Variants in ERICH3 observed in about 807,000 individuals in gnomAD.
The protein encoded by ERICH3 is glutamate-rich protein 3.
In ERICH3, 126 loss-of-function variants were observed where a neutral mutation model predicts 131.1. The ratio of observed to expected loss-of-function variants is 0.96; its 90% CI spans 0.83 to 1.11. The LOEUF (loss-of-function observed/expected upper bound fraction) is 1.11. Ranked by LOEUF, ERICH3 falls within the 50% of genes most tolerant of loss-of-function variation. The pLI is 0.00. For missense variants in ERICH3, 2,050 were observed against 1,810.7 expected, an observed-to-expected ratio of 1.13 and a Z score of -2.40; for synonymous variants, 695 against 644.6, an observed-to-expected ratio of 1.08 and a Z score of -1.18.
chr1:74,637,723 C>T (rs530982081), intron 5 of ERICH3, among the ~76,000 whole-genome samples: 69 of 152,118 alleles, frequency 4.5e-4, no homozygotes, highest in Non-Finnish European at 8.1e-4. Flanking sequence ...AGTTGGAGAT[C>T]GACCTGGGCA....
In ERICH3 at chr1:74,572,073, C is replaced by G. The variant is rs143506603; in HGVS notation, c.3637G>C (p.Glu1213Gln). Reference sequence around the variant, plus strand: ...GCTTCAGGAGCTGCTAAGGCCCCCTCTCCATCTTGGCGGTGCCCTTCCTTC... The same window carrying G: ...GCTTCAGGAGCTGCTAAGGCCCCCTGTCCATCTTGGCGGTGCCCTTCCTTC... Reference protein sequence around the residue: ...ALKEGHRQDGEGALAAPEAEP... With the variant: ...ALKEGHRQDGQGALAAPEAEP... Residue 1213 changes from glutamate (E) to glutamine (Q), a missense_variant, in exon 14 of 15, where the codon GAG becomes CAG. Coordinates refer to ENST00000326665, the MANE Select transcript of ERICH3 (RefSeq NM_001002912.5). 1 of 1,614,244 alleles carries G rather than the reference C, an allele frequency of 6.2e-7. No homozygotes were observed. The highest frequency in any genetic ancestry group is 1.7e-5 in the Admixed American group (1 of 60,036).
chr1:74,617,752 C>T (rs924469725), intron 8 of ERICH3, among the ~76,000 whole-genome samples: 9 of 152,140 alleles, frequency 5.9e-5, no homozygotes, highest in Admixed American at 5.9e-4. Flanking sequence ...ATGTCCTACA[C>T]CTAGTCTGTG....
chr1:74,669,927 A>G (rs1646726027), intron 1 of ERICH3, among the ~76,000 whole-genome samples: 1 of 152,226 alleles, frequency 6.6e-6, no homozygotes, highest in Non-Finnish European at 1.5e-5. Flanking sequence ...TTACCCTTAA[A>G]ATGTAACAAG....
intron 8 of ERICH3, among the ~76,000 whole-genome samples, chr1:74,618,869 C>T (rs560679907): frequency 6.6e-6 from 1 of 152,316 alleles, no homozygotes; most frequent in African/African-American, 2.4e-5. Context: ...TGCTCCCCCT[C>T]CAACTTTTGT....
At chr1:74,670,464 C>T (rs569522220) in intron 1 of ERICH3, among the ~76,000 whole-genome samples, 18 of 152,218 alleles carry the variant, frequency 1.2e-4, no homozygotes, top group East Asian at 7.7e-4. Flanking sequence ...TCAGGGACCC[C>T]GAACAGACAG....
At chr1:74,603,882 G>A (rs948750511) in intron 10 of ERICH3, among the ~76,000 whole-genome samples, 3 of 151,814 alleles carry the variant, frequency 2.0e-5, no homozygotes, top group African/African-American at 7.3e-5. Flanking sequence ...CTGACTGATC[G>A]GGGTGGTGGT....
intron 1 of ERICH3, among the ~76,000 whole-genome samples, chr1:74,668,829 T>C (rs564181295): frequency 2.6e-5 from 4 of 152,292 alleles, no homozygotes; most frequent in South Asian, 2.1e-4. Context: ...GGAGGGTGAA[T>C]AGAAACTACC....
At chr1:74,581,926 G>A (rs1647189003) in intron 12 of ERICH3, among the ~76,000 whole-genome samples, 1 of 152,132 alleles carries the variant, frequency 6.6e-6, no homozygotes, top group Admixed American at 6.6e-5. Context: ...AAGGAAAGTG[G>A]GGCTTTGAAC....
Position 74,612,852 on chromosome 1 carries a change from C to T in ERICH3, c.1001-43G>A, listed in dbSNP as rs377519573. ...ATACATTAGTGAAAGCAACTGACTT[C>T]GGACTAACATCTGTTAAATCATGTT... On this transcript the variant is annotated intron_variant, in intron 8 of 14. Transcript: ENST00000326665. The T allele has an allele frequency of 2.0e-5, 30 of 1,463,934 alleles. No individual in the cohort carries two copies. In the African/African-American group the frequency reaches 2.8e-4, roughly 14 times the overall value. 90.7% of individuals were successfully genotyped at this position (1,463,934 alleles called of 1,614,324 possible). A position where few individuals can be genotyped will look rare whatever the true frequency, so the allele number is the denominator to read the frequency against.
At chr1:74,648,764 C>T (rs1278104791) in intron 2 of ERICH3, among the ~76,000 whole-genome samples, 13 of 152,050 alleles carry the variant, frequency 8.5e-5, no homozygotes. Flanking sequence ...CTAATATTAT[C>T]AATAAACCAT....
At chr1:74,632,033 C>G in intron 6 of ERICH3, 105 bp from the exon 7 acceptor site, 1 of 975,304 alleles carries the variant, frequency 1.0e-6, no homozygotes. Flanking sequence ...CATGCAAACA[C>G]AACTGATATC....
chr1:74,659,999 T>A lies in ERICH3; in HGVS notation c.24-10684A>T, dbSNP rs186800151. 2.9e-3 allele frequency among the ~76,000 whole-genome samples: 436 copies of A among 152,240 alleles called. 5 individuals carry two copies. The highest frequency in any genetic ancestry group is 3.4e-3 in the Middle Eastern group (1 of 294). On this transcript the variant is annotated intron_variant, in intron 1 of 14. Transcript: ENST00000326665. ...TGGCTGTGTCCCCACCCAAATCTCA[T>A]CTTGAATTGTAATTCCCTTAAACCC...
At chr1:74,671,447 C>T (rs1646742490) in intron 1 of ERICH3, among the ~76,000 whole-genome samples, 1 of 152,216 alleles carries the variant, frequency 6.6e-6, no homozygotes, top group Non-Finnish European at 1.5e-5. Flanking sequence ...TGGTTTGAGA[C>T]TCAGGTGGGC....
intron 2 of ERICH3, 22 bp from the exon 3 acceptor site, chr1:74,646,814 T>C (rs1203587476): frequency 5.3e-6 from 7 of 1,326,960 alleles, no homozygotes; most frequent in African/African-American, 1.5e-5. Flanking sequence ...AAATAAAATA[T>C]ACATAGAAAT....
rs1184746684 is a variant in ERICH3, at chr1:74,579,558, G to A, written c.2177-2622C>T. 1.8e-5 allele frequency: 18 copies of A among 985,366 alleles called. No homozygotes were observed. The East Asian group carries it at 1.0e-3, about 56-fold the overall frequency. The allele number at this position is 985,366 out of a possible 1,614,324, so 61.0% of individuals were successfully genotyped here. The stretch of plus-strand genomic sequence containing the variant: ...CCTATTTCAGATTCAGCAAGAATGG[G>A]ATGCTGGCCTAAGTATCAAGGACTT... On this transcript the variant is annotated intron_variant, in intron 12 of 14. Transcript: ENST00000326665.
At chr1:74,629,752 C>G (rs867344897) in intron 7 of ERICH3, among the ~76,000 whole-genome samples, 3 of 152,260 alleles carry the variant, frequency 2.0e-5, no homozygotes, top group Middle Eastern at 3.4e-3. Context: ...AGGCTGTGAC[C>G]CAAAGATTCT....
Position 74,673,606 on chromosome 1 carries a change from C to T in ERICH3, c.-87G>A. ...GCGCGCTGGCGCTGCGACAGTCGCG[C>T]TCGAGGGGTGGCTCCGCACCGAGGT... On this transcript the variant is annotated 5_prime_UTR_variant, in exon 1 of 15. Transcript: ENST00000326665. The T allele has an allele frequency of 6.7e-7, 1 of 1,491,390 alleles. No individual in the cohort carries two copies. Among genetic ancestry groups the T allele is most frequent in the South Asian group, 1.2e-5 (1 of 84,534 alleles). The allele number at this position is 1,491,390 out of a possible 1,614,324, so 92.4% of individuals were successfully genotyped here.
chr1:74,652,035 T>C (rs945306073), intron 1 of ERICH3, among the ~76,000 whole-genome samples: 2 of 152,182 alleles, frequency 1.3e-5, no homozygotes, highest in African/African-American at 4.8e-5. Flanking sequence ...TAGGAATAAA[T>C]GTGGGTTCTT....
Position 74,658,588 on chromosome 1 carries a change from G to C in ERICH3, c.24-9273C>G, listed in dbSNP as rs140535964. ...CTATATTTTCTAAATATATTATTGA[G>C]CATATTATACAAAGAAAAAAAATAA... On this transcript the variant is annotated intron_variant, in intron 1 of 14. Transcript: ENST00000326665. Among the ~76,000 whole-genome samples, 23 of 151,866 alleles carry C rather than the reference G, an allele frequency of 1.5e-4. 1 individual carries two copies. In the East Asian group the frequency reaches 4.4e-3, roughly 29 times the overall value.
Sources: allele counts gnomAD v4.1 joint callset (sites outside exome capture counted in the v4.1 genomes callset), GRCh38; gene constraint gnomAD v4.1.1; transcripts MANE v1.5; gene names NCBI Gene and HGNC (gene_info 2026-07-23, HGNC 2026-07-21).